The following C13orf42 variants were observed in gnomAD, a reference collection of about 807,000 sequenced individuals.
C13orf42 encodes the protein chromosome 13 open reading frame 42.
intron 1 of C13orf42, among the ~76,000 whole-genome samples, chr13:51,107,398 C>T (rs1328054142): frequency 6.6e-6 from 1 of 152,180 alleles, no homozygotes; most frequent in African/African-American, 2.4e-5. Flanking sequence ...TTTCATAAAA[C>T]TTTTGTTTCG....
intron 1 of C13orf42, among the ~76,000 whole-genome samples, chr13:51,089,950 A>G (rs1953165620): frequency 6.6e-6 from 1 of 151,890 alleles, no homozygotes; most frequent in Non-Finnish European, 1.5e-5. Flanking sequence ...CAGGTCCCAG[A>G]ACATCATGGG....
At chr13:51,085,050 C>T (rs1262314225) in intron 3 of C13orf42, among the ~76,000 whole-genome samples, 1 of 151,918 alleles carries the variant, frequency 6.6e-6, no homozygotes, top group Non-Finnish European at 1.5e-5. Flanking sequence ...TGGCACAGTG[C>T]ATGGGCTAAG....
At chr13:51,130,133 C>T (rs1412504222) in intron 1 of C13orf42, among the ~76,000 whole-genome samples, 1 of 152,102 alleles carries the variant, frequency 6.6e-6, no homozygotes, top group Non-Finnish European at 1.5e-5. Context: ...AAGTGTAATG[C>T]CTTTTAGTTC....
chr13:51,144,509 G>C (rs565110370), intron 1 of C13orf42, among the ~76,000 whole-genome samples: 16 of 152,326 alleles, frequency 1.1e-4, no homozygotes, highest in African/African-American at 3.8e-4. Context: ...ATAAGAATCT[G>C]TTTTCATTTG....
At chr13:51,164,555 G>A (rs1953890732) in intron 1 of C13orf42, among the ~76,000 whole-genome samples, 1 of 152,118 alleles carries the variant, frequency 6.6e-6, no homozygotes, top group Non-Finnish European at 1.5e-5. Flanking sequence ...AGCTATTCAG[G>A]AGGCCGAAGT....
intron 1 of C13orf42, among the ~76,000 whole-genome samples, chr13:51,121,679 G>A (rs1593542207): frequency 6.6e-6 from 1 of 152,092 alleles, no homozygotes; most frequent in South Asian, 2.1e-4. Flanking sequence ...GGGATTACAG[G>A]CAAGTGCCAC....
intron 1 of C13orf42, among the ~76,000 whole-genome samples, chr13:51,170,791 C>A (rs909733549): frequency 8.6e-5 from 13 of 152,014 alleles, no homozygotes; most frequent in Admixed American, 2.0e-4. Context: ...TTTCCTGGGG[C>A]AGGGGCAAGT....
At chr13:51,122,321 G>A (rs1160602275) in intron 1 of C13orf42, among the ~76,000 whole-genome samples, 4 of 152,048 alleles carry the variant, frequency 2.6e-5, no homozygotes, top group Non-Finnish European at 2.9e-5. Flanking sequence ...ATCACTTGAG[G>A]TCAGGAGTTT....
At chr13:51,120,954 C>T (rs1283076218) in intron 1 of C13orf42, among the ~76,000 whole-genome samples, 1 of 152,186 alleles carries the variant, frequency 6.6e-6, no homozygotes, top group Non-Finnish European at 1.5e-5. Context: ...GCAGAGGTTG[C>T]AGTGAGCTGA....
chr13:51,141,797 C>CA (rs34959889), intron 1 of C13orf42, among the ~76,000 whole-genome samples: 74,132 of 150,348 alleles, frequency 0.49, 18,288 homozygotes, highest in African/African-American at 0.55. Flanking sequence ...GACTCCATCT[C>CA]AAAAAAAAAC....
chr13:51,115,367 T>A (rs1953480323), upstream of C13orf42, among the ~76,000 whole-genome samples: 1 of 152,186 alleles, frequency 6.6e-6, no homozygotes. Context: ...TACGGGGCAT[T>A]TGACCAGGCA....
intron 1 of C13orf42, among the ~76,000 whole-genome samples, chr13:51,134,872 TA>T (rs907711759): frequency 6.6e-6 from 1 of 152,178 alleles, no homozygotes; most frequent in East Asian, 1.9e-4. Context: ...CTGCCTGCAG[TA>T]ACACCTCCCG....
At chr13:51,170,687 G>A (rs1953941970) in intron 1 of C13orf42, among the ~76,000 whole-genome samples, 1 of 152,124 alleles carries the variant, frequency 6.6e-6, no homozygotes, top group Admixed American at 6.5e-5. Flanking sequence ...AATCATTGCA[G>A]GGACACCTCT....
rs556259917 is a variant in C13orf42, at chr13:51,083,947, C to G, written c.*204G>C. On this transcript the variant is annotated 3_prime_UTR_variant, in exon 4 of 4. Coordinates refer to ENST00000563710, the MANE Select transcript of C13orf42 (RefSeq NM_001351589.3). ...GGTCATCAGCCCACGCAGAGAAACT[C>G]AAGCTCTGAGAGTGTCCTGAGACCT... 7.9e-6 allele frequency: 3 copies of G among 377,456 alleles called. No individual in the cohort carries two copies. Among genetic ancestry groups the G allele is most frequent in the South Asian group, 2.9e-4 (2 of 6,812 alleles). 23.4% of individuals were successfully genotyped at this position (377,456 alleles called of 1,614,324 possible).
At chr13:51,163,310 C>T (rs1213472771) in intron 1 of C13orf42, among the ~76,000 whole-genome samples, 1 of 152,112 alleles carries the variant, frequency 6.6e-6, no homozygotes, top group African/African-American at 2.4e-5. Flanking sequence ...TTTCTAGTTT[C>T]TCTCAGAGGA....
intron 1 of C13orf42, among the ~76,000 whole-genome samples, chr13:51,171,466 G>A (rs201102582): frequency 0.2 from 30,787 of 151,812 alleles, 3,346 homozygotes; most frequent in East Asian, 0.25. Context: ...TGTCCCCTCA[G>A]TACCAACCCC....
At chr13:51,113,322 A>T (rs1253459428), upstream of C13orf42, 1 of 152,140 alleles carries the variant, frequency 6.6e-6, no homozygotes, top group African/African-American at 2.4e-5. Context: ...ATGACCCAGC[A>T]GCTGACTGCT....
rs141666120 is a variant in C13orf42, at chr13:51,155,488, G to A, written n.136+16765C>T. On this transcript the variant is annotated intron_variant and non_coding_transcript_variant, in intron 1 of 4. Transcript: ENST00000433280. ...TTGTGTGAACTCTTCAAGTATGAGC[G>A]CTGGAAACCCACTACAGCCAGTTTA... Among the ~76,000 whole-genome samples the A allele has an allele frequency of 5.9e-5, 9 of 152,070 alleles. No individual in the cohort carries two copies. The South Asian group carries it at 8.3e-4, about 14-fold the overall frequency.
rs5803556 is a variant in C13orf42, at chr13:51,166,591, TA to T, written n.136+5661del. On this transcript the variant is annotated intron_variant and non_coding_transcript_variant, in intron 1 of 4. Transcript: ENST00000433280. Reference sequence around the variant, plus strand: ...ACATGTACCCTAAAACTTAAAGTATTAAAAAAAAAAAAAGCCAGGAAGTAGA... The same window carrying T: ...ACATGTACCCTAAAACTTAAAGTATTAAAAAAAAAAAAGCCAGGAAGTAGA... 5.5e-3 allele frequency among the ~76,000 whole-genome samples: 770 copies of T among 141,114 alleles called. 6 individuals are homozygous for T. The highest frequency in any genetic ancestry group is 0.013 in the African/African-American group (498 of 38,028). The allele number at this position is 141,114 out of a possible 152,430, so 92.6% of individuals were successfully genotyped here.
Sources: gnomAD v4.1 joint callset for allele counts (sites outside exome capture counted in the v4.1 genomes callset) on GRCh38, gnomAD v4.1.1 for gene constraint, MANE v1.5 for transcripts, NCBI Gene and HGNC (gene_info 2026-07-23, HGNC 2026-07-21) for gene names.